Variants in SYK observed in about 807,000 individuals in gnomAD.
The protein encoded by SYK is tyrosine-protein kinase SYK.
SYK carries 16 observed loss-of-function variants against 77.8 expected under a neutral mutation model. The observed-to-expected ratio is 0.21, with a 90% CI of 0.14 to 0.31. The LOEUF (loss-of-function observed/expected upper bound fraction) is 0.31. SYK is among the 10% of genes least tolerant of loss of function. The pLI, the probability that SYK is intolerant of heterozygous loss-of-function variation, is 1.00. For missense variants in SYK, 529 were observed against 814.4 expected, an observed-to-expected ratio of 0.65 and a Z score of 4.26; for synonymous variants, 312 against 308.7, an observed-to-expected ratio of 1.01 and a Z score of -0.11.
chr9:90,844,360 G>C (rs1826496661), intron 2 of SYK, 45 bp downstream of exon 2: 7 of 1,500,004 alleles, frequency 4.7e-6, no homozygotes, highest in Non-Finnish European at 6.2e-6. Flanking sequence ...GGGGCCCTGT[G>C]ACCCCACACA....
At chr9:90,806,954 C>T (rs766609156) in intron 1 of SYK, among the ~76,000 whole-genome samples, 10 of 150,266 alleles carry the variant, frequency 6.7e-5, no homozygotes, top group Non-Finnish European at 1.2e-4. Context: ...GCCTTCTCCT[C>T]GATTTCCTTG....
intron 11 of SYK, among the ~76,000 whole-genome samples, chr9:90,883,635 G>T (rs551177905): frequency 6.4e-4 from 98 of 152,198 alleles, no homozygotes; most frequent in African/African-American, 1.9e-3. Flanking sequence ...TGCACCACCA[G>T]GGAGCCTGAG....
rs1453817791 is a variant in SYK, at chr9:90,864,506, ACAGT to A, written c.718-74_718-71del. 1.8e-5 allele frequency: 23 copies of A among 1,244,216 alleles called. No individual in the cohort carries two copies. The East Asian group carries it at 2.8e-4, about 15-fold the overall frequency. The allele number at this position is 1,244,216 out of a possible 1,614,324, so 77.1% of individuals were successfully genotyped here. A position where few individuals can be genotyped will look rare whatever the true frequency, so the allele number is the denominator to read the frequency against. ...GTCTTGGGGCCACTTCGAAAGCCCA[ACAGT>A]CAGTCAGTAGCTCTCAGTCACTATT... On this transcript the variant is annotated intron_variant, in intron 4 of 13. Coordinates refer to ENST00000375754, the MANE Select transcript of SYK (RefSeq NM_003177.7).
chr9:90,857,136 A>T (rs1299786514), intron 3 of SYK, among the ~76,000 whole-genome samples: 2 of 152,256 alleles, frequency 1.3e-5, no homozygotes, highest in Non-Finnish European at 2.9e-5. Context: ...GCGGCTTAGG[A>T]AAAACCTTTT....
intron 1 of SYK, among the ~76,000 whole-genome samples, chr9:90,815,094 T>TAA (rs112169586): frequency 4.5e-4 from 66 of 148,072 alleles, no homozygotes; most frequent in African/African-American, 9.4e-4. Context: ...TCTCTTCGGT[T>TAA]AAAAAAAAAA....
Position 90,867,128 on chromosome 9 carries a change from T to C in SYK, c.847-3T>C. ...TGTTCCTCTTTGCCGTTGTGGTTTCTAGACTTGGTCAGCGGGTGGAATAAT... is the reference window on the plus strand; with the variant it reads ...TGTTCCTCTTTGCCGTTGTGGTTTCCAGACTTGGTCAGCGGGTGGAATAAT... On this transcript the variant is annotated splice_polypyrimidine_tract_variant and splice_region_variant and intron_variant, in intron 6 of 13. Transcript: ENST00000375754. 6.2e-7 allele frequency: 1 copy of C among 1,614,156 alleles called. No homozygotes were observed. The highest frequency in any genetic ancestry group is 8.5e-7 in the Non-Finnish European group (1 of 1,180,012).
chr9:90,860,005 G>T (rs62559149), intron 3 of SYK, among the ~76,000 whole-genome samples: 3 of 151,906 alleles, frequency 2.0e-5, no homozygotes, highest in Admixed American at 1.3e-4. Context: ...TTTTTTTCTG[G>T]AGAGATGGCG....
rs182160352 is a variant in SYK at position 90,846,341 on chromosome 9, A to G, written c.578+747A>G. ...TGGTCACCTCTCAGTGTCCCTACAG[A>G]GATGCTTACCTTGGAAACATAACCA... is the stretch of plus-strand genomic sequence containing the variant. On this transcript the variant is annotated intron_variant, in intron 3 of 13. Transcript: ENST00000375754. Among the ~76,000 whole-genome samples the G allele has an allele frequency of 2.9e-4, 44 of 152,344 alleles. No individual in the cohort carries two copies. In the East Asian group the frequency reaches 4.2e-3, roughly 15 times the overall value.
chr9:90,869,252 T>G (rs1827632868), intron 7 of SYK, among the ~76,000 whole-genome samples: 1 of 152,128 alleles, frequency 6.6e-6, no homozygotes. Flanking sequence ...TTAATCTGAT[T>G]AATATTGTGA....
rs1422028521 is a variant in SYK, at chr9:90,812,046, A to G, written c.-42+10153A>G. 3.3e-5 allele frequency among the ~76,000 whole-genome samples: 5 copies of G among 152,014 alleles called. No homozygotes were observed. The South Asian group carries it at 8.3e-4, about 25-fold the overall frequency. On this transcript the variant is annotated intron_variant, in intron 1 of 13. Coordinates refer to ENST00000375754, the MANE Select transcript of SYK (RefSeq NM_003177.7). The stretch of plus-strand genomic sequence containing the variant: ...ATGCATTTCTGCCTATACATATTCT[A>G]TCCAGTGTGTACACATGTGTATGTA...
intron 1 of SYK, among the ~76,000 whole-genome samples, chr9:90,831,566 G>A (rs1825893872): frequency 6.6e-6 from 1 of 152,190 alleles, no homozygotes; most frequent in South Asian, 2.1e-4. Flanking sequence ...GAAGGTTGGG[G>A]AGACGGAAGG....
intron 1 of SYK, among the ~76,000 whole-genome samples, chr9:90,826,747 A>G (rs78929768): frequency 0.054 from 8,224 of 152,234 alleles, 765 homozygotes; most frequent in African/African-American, 0.19. Flanking sequence ...TGGGAAATTA[A>G]AAAGCTGCTT....
At chr9:90,871,471 TATC>T (rs1252622973) in intron 7 of SYK, among the ~76,000 whole-genome samples, 123 of 152,382 alleles carry the variant, frequency 8.1e-4, no homozygotes, top group Non-Finnish European at 2.5e-4. Flanking sequence ...TTTTACAATT[TATC>T]ATTATGCCAC....
intron 3 of SYK, among the ~76,000 whole-genome samples, chr9:90,858,346 G>C (rs1246271394): frequency 6.6e-6 from 1 of 152,232 alleles, no homozygotes; most frequent in Admixed American, 6.5e-5. Context: ...ATCATCTCAA[G>C]CTCAAGCCCT....
intron 1 of SYK, among the ~76,000 whole-genome samples, chr9:90,802,918 A>T (rs1826787958): frequency 6.6e-6 from 1 of 151,926 alleles, no homozygotes. Context: ...AAGAAATGGA[A>T]TTGATTCTAC....
At chr9:90,820,965 C>A (rs188539345) in intron 1 of SYK, among the ~76,000 whole-genome samples, 61 of 152,010 alleles carry the variant, frequency 4.0e-4, no homozygotes, top group Non-Finnish European at 7.9e-4. Context: ...CCTAAATCAT[C>A]GCTCTCAAGT....
chr9:90,864,773 T>C, intron 5 of SYK, 106 bp downstream of exon 5: 1 of 962,274 alleles, frequency 1.0e-6, no homozygotes, highest in East Asian at 2.5e-5. Flanking sequence ...GGACTTCTTT[T>C]TACGGGTTGA....
At chr9:90,841,310 G>A (rs1826313864) in intron 1 of SYK, among the ~76,000 whole-genome samples, 1 of 146,432 alleles carries the variant, frequency 6.8e-6, no homozygotes, top group African/African-American at 2.6e-5. Context: ...TGTAGTTTGT[G>A]TGCTGCACGT....
chr9:90,825,119 C>CA (rs148061358), intron 1 of SYK, among the ~76,000 whole-genome samples: 22,010 of 93,086 alleles, frequency 0.24, 1,886 homozygotes, highest in East Asian at 0.5. Flanking sequence ...ACCAAAAAGA[C>CA]AAAAAAAAAA....
Sources: gnomAD v4.1 joint callset for allele counts (sites outside exome capture counted in the v4.1 genomes callset) on GRCh38, gnomAD v4.1.1 for gene constraint, MANE v1.5 for transcripts, NCBI Gene and HGNC (gene_info 2026-07-23, HGNC 2026-07-21) for gene names.